Variants in DPH6 observed in about 807,000 individuals in gnomAD.
DPH6 encodes diphthamine biosynthesis 6.
DPH6 carries 33 observed loss-of-function variants against 38.2 expected under a neutral mutation model. The ratio of observed to expected loss-of-function variants is 0.86; its 90% CI spans 0.65 to 1.15. The LOEUF (loss-of-function observed/expected upper bound fraction) is 1.15. Among genes scored for constraint, DPH6 ranks in the 50% most tolerant of loss-of-function variants. The pLI is 0.00. For missense variants in DPH6, 325 were observed against 320.0 expected (o/e 1.02, Z -0.12); for synonymous variants, 108 against 103.0 (o/e 1.05, Z -0.30).
intron 5 of DPH6, among the ~76,000 whole-genome samples, chr15:35,413,646 T>A (rs1299851825): frequency 6.6e-6 from 1 of 151,606 alleles, no homozygotes; most frequent in East Asian, 1.9e-4. Flanking sequence ...CCATTATTTG[T>A]TCTCAAATTT....
intron 3 of DPH6, among the ~76,000 whole-genome samples, chr15:35,276,281 GTTTGT>G (rs1566857343): frequency 1.3e-5 from 2 of 152,032 alleles, no homozygotes; most frequent in Non-Finnish European, 2.9e-5. Flanking sequence ...TGATGGGATT[GTTTGT>G]TTTTTCTTAT....
intron 5 of DPH6, among the ~76,000 whole-genome samples, chr15:35,431,518 G>A (rs1462363545): frequency 4.6e-5 from 7 of 152,158 alleles, no homozygotes; most frequent in South Asian, 2.1e-4. Context: ...AAATAAAGAA[G>A]TGCTCCTTAA....
intron 3 of DPH6, among the ~76,000 whole-genome samples, chr15:35,512,633 G>A (rs1191814685): frequency 2.0e-5 from 3 of 151,954 alleles, no homozygotes; most frequent in Non-Finnish European, 2.9e-5. Context: ...AGAAGAATAT[G>A]CAGTCAAAAG....
chr15:35,538,086 A>T (rs1380047122), intron 3 of DPH6, 188 bp downstream of exon 3: 1 of 397,794 alleles, frequency 2.5e-6, no homozygotes, highest in Non-Finnish European at 4.4e-6. Context: ...TCTTATTTTT[A>T]AATATCATTT....
intron 3 of DPH6, among the ~76,000 whole-genome samples, chr15:35,295,472 T>C (rs1050409529): frequency 6.6e-6 from 1 of 152,218 alleles, no homozygotes; most frequent in Non-Finnish European, 1.5e-5. Context: ...TCTAGCTCTT[T>C]AAAATCTCCA....
At chr15:35,541,541 A>C (rs1370885362) in intron 2 of DPH6, among the ~76,000 whole-genome samples, 2 of 152,168 alleles carry the variant, frequency 1.3e-5, no homozygotes, top group Non-Finnish European at 2.9e-5. Flanking sequence ...ACTACGACTG[A>C]TGTTCTCACA....
At chr15:35,300,419 G>A (rs1193428563) in intron 3 of DPH6, among the ~76,000 whole-genome samples, 2 of 152,214 alleles carry the variant, frequency 1.3e-5, no homozygotes, top group Non-Finnish European at 2.9e-5. Context: ...AAACCGTAGA[G>A]AAGAATGAAG....
intron 3 of DPH6, among the ~76,000 whole-genome samples, chr15:35,323,462 C>T (rs1318540100): frequency 6.6e-6 from 1 of 152,028 alleles, no homozygotes; most frequent in Non-Finnish European, 1.5e-5. Flanking sequence ...AGGATGTCAT[C>T]AAACTTCAAA....
the DPH6 span, among the ~76,000 whole-genome samples, chr15:35,190,937 G>A: frequency 7.2e-5 from 11 of 152,124 alleles, no homozygotes; most frequent in South Asian, 1.7e-3. Context: ...CCTTGCAGTG[G>A]GGTGTGGGGA....
chr15:35,333,171 G>C lies in DPH6; in HGVS notation n.208-2094C>G, dbSNP rs945548388. ...AAACTAAAACTTAAAAAAGTGAGCA[G>C]TTTATCTATTGATGAAAAAGACCAA... On this transcript the variant is annotated intron_variant and non_coding_transcript_variant, in intron 3 of 3. Coordinates refer to the DPH6 transcript ENST00000558973. Among the ~76,000 whole-genome samples the C allele has an allele frequency of 1.3e-4, 20 of 151,928 alleles. 1 individual carries two copies. Among genetic ancestry groups the C allele is most frequent in the African/African-American group, 3.9e-4 (16 of 41,412 alleles).
chr15:35,297,977 T>C (rs2052026246), intron 3 of DPH6, among the ~76,000 whole-genome samples: 1 of 152,190 alleles, frequency 6.6e-6, no homozygotes, highest in Non-Finnish European at 1.5e-5. Flanking sequence ...CCAGATTATG[T>C]GCCAAATCCA....
chr15:35,496,567 A>AATATATATAT lies in DPH6; in HGVS notation c.312+41697_312+41706dup, dbSNP rs1165939476. On this transcript the variant is annotated intron_variant, in intron 3 of 8. Coordinates refer to ENST00000256538, the MANE Select transcript of DPH6 (RefSeq NM_080650.4). The stretch of plus-strand genomic sequence containing the variant: ...GAAAGTTCCATCTCAAAAAAAAAAA[A>AATATATATAT]ATATATATATATATATATATATATC... 1.6e-3 allele frequency among the ~76,000 whole-genome samples: 49 copies of AATATATATAT among 30,992 alleles called. 4 individuals carry two copies. In the East Asian group the frequency reaches 0.018, roughly 12 times the overall value. The allele number at this position is 30,992 out of a possible 152,430, so 20.3% of individuals were successfully genotyped here.
intron 3 of DPH6, among the ~76,000 whole-genome samples, chr15:35,343,051 G>C (rs1595489721): frequency 6.6e-6 from 1 of 152,038 alleles, no homozygotes. Context: ...GTAAAGCTAG[G>C]GAACTCTATT....
Position 35,542,517 on chromosome 15 carries a change from A to G in DPH6, c.24-10T>C. 1 of 1,539,770 alleles carries G rather than the reference A, an allele frequency of 6.5e-7. No homozygotes were observed. The highest frequency in any genetic ancestry group is 8.9e-7 in the Non-Finnish European group (1 of 1,124,100). ...GCTGTCCTTCCCACCACTAAACAAT[A>G]AATCAAGAGAGGGACAAATATCATG... is the stretch of plus-strand genomic sequence containing the variant. On this transcript the variant is annotated splice_polypyrimidine_tract_variant and intron_variant, in intron 1 of 8. Transcript: ENST00000256538.
intron 3 of DPH6, among the ~76,000 whole-genome samples, chr15:35,355,776 C>T (rs1424840498): frequency 6.6e-6 from 1 of 152,142 alleles, no homozygotes; most frequent in Non-Finnish European, 1.5e-5. Context: ...AGTTGCTCTT[C>T]TCAAGGAGTG....
chr15:35,513,200 TG>T lies in DPH6; in HGVS notation c.312+25073del, dbSNP rs2054799043. Among the ~76,000 whole-genome samples, 4 of 152,242 alleles carry T rather than the reference TG, an allele frequency of 2.6e-5. No homozygotes were observed. The South Asian group carries it at 8.3e-4, about 32-fold the overall frequency. ...AATACATCAAAATGTTAACTTGAAATGGTTGAATTTTGAGCAACATCTTCAT... is the reference window on the plus strand; with the variant it reads ...AATACATCAAAATGTTAACTTGAAATGTTGAATTTTGAGCAACATCTTCAT... On this transcript the variant is annotated intron_variant, in intron 3 of 8. Coordinates refer to ENST00000256538, the MANE Select transcript of DPH6 (RefSeq NM_080650.4).
the DPH6 span, among the ~76,000 whole-genome samples, chr15:35,203,416 A>G: frequency 6.6e-6 from 1 of 151,688 alleles, no homozygotes; most frequent in Non-Finnish European, 1.5e-5. Flanking sequence ...GGGTGCCACT[A>G]TTCCCCATTT....
intron 3 of DPH6, among the ~76,000 whole-genome samples, chr15:35,288,759 A>C (rs1173448496): frequency 6.6e-6 from 1 of 152,158 alleles, no homozygotes; most frequent in East Asian, 1.9e-4. Context: ...ATTCTAAAGA[A>C]TCAGGAGAGC....
At chr15:35,528,057 TTGA>T (rs1461187899) in intron 3 of DPH6, among the ~76,000 whole-genome samples, 2 of 152,192 alleles carry the variant, frequency 1.3e-5, no homozygotes, top group African/African-American at 4.8e-5. Flanking sequence ...TATATTTTGC[TTGA>T]TTTACCGGCA....
Sources: gnomAD v4.1 joint callset for allele counts (sites outside exome capture counted in the v4.1 genomes callset) on GRCh38, gnomAD v4.1.1 for gene constraint, MANE v1.5 for transcripts, NCBI Gene and HGNC (gene_info 2026-07-23, HGNC 2026-07-21) for gene names.